USP31: variants seen among roughly 807,000 people sequenced by gnomAD.
The protein encoded by USP31 is ubiquitin specific peptidase 31.
USP31 carries 44 observed loss-of-function variants against 119.4 expected under a neutral mutation model. The observed-to-expected ratio is 0.37, with a 90% CI of 0.29 to 0.47. The LOEUF (loss-of-function observed/expected upper bound fraction) is 0.47, where lower values mean the gene tolerates loss of function less well. Among genes scored for constraint, USP31 ranks in the 20% least tolerant of loss-of-function variants. The pLI is 0.99. For missense variants in USP31, 1,643 were observed against 1,730.2 expected (o/e 0.95, Z 0.89); for synonymous variants, 749 against 705.6 (o/e 1.06, Z -0.97).
At chr16:23,147,062 G>T (rs1220401126) in intron 1 of USP31, among the ~76,000 whole-genome samples, 2 of 144,582 alleles carry the variant, frequency 1.4e-5, no homozygotes, top group Admixed American at 6.9e-5. Context: ...ATTAGGATAG[G>T]AAAAAAAAAA....
At chr16:23,109,841 CAA>C (rs60568760) in intron 1 of USP31, among the ~76,000 whole-genome samples, 1,966 of 110,188 alleles carry the variant, frequency 0.018, 24 homozygotes, top group African/African-American at 0.042. Context: ...GACATTCTAC[CAA>C]AAAAAAAAAA....
intron 7 of USP31, among the ~76,000 whole-genome samples, chr16:23,089,937 G>C (rs891839781): frequency 2.0e-5 from 3 of 151,932 alleles, no homozygotes; most frequent in Non-Finnish European, 4.4e-5. Context: ...GTTCAATTTG[G>C]GACAGAAGAC....
At chr16:23,110,759 T>C (rs746403287) in intron 1 of USP31, among the ~76,000 whole-genome samples, 1 of 152,142 alleles carries the variant, frequency 6.6e-6, no homozygotes, top group Non-Finnish European at 1.5e-5. Flanking sequence ...ATTTTGAGAA[T>C]GCATGCCAAA....
At chr16:23,101,394 A>C (rs1421840023) in intron 6 of USP31, among the ~76,000 whole-genome samples, 1 of 152,214 alleles carries the variant, frequency 6.6e-6, no homozygotes, top group Non-Finnish European at 1.5e-5. Flanking sequence ...AGATGCCTGT[A>C]GGATTTCTAA....
intron 7 of USP31, among the ~76,000 whole-genome samples, chr16:23,088,651 G>A (rs1191044285): frequency 6.6e-6 from 1 of 152,156 alleles, no homozygotes; most frequent in African/African-American, 2.4e-5. Flanking sequence ...AGTCTAGGCT[G>A]TCTCCTACTC....
intron 6 of USP31, among the ~76,000 whole-genome samples, chr16:23,098,503 C>T (rs183408798): frequency 5.9e-5 from 9 of 152,118 alleles, no homozygotes; most frequent in Admixed American, 2.6e-4. Context: ...CAAAAAAGCC[C>T]GCATCACCAA....
At chr16:23,090,929 T>A in intron 6 of USP31, 125 bp from the exon 7 acceptor site, 2 of 869,562 alleles carry the variant, frequency 2.3e-6, no homozygotes, top group Non-Finnish European at 3.3e-6. Flanking sequence ...TAAACTGCAA[T>A]CAAAAAAAGA....
intron 7 of USP31, among the ~76,000 whole-genome samples, chr16:23,088,176 T>A (rs1262649789): frequency 2.0e-5 from 3 of 151,406 alleles, no homozygotes; most frequent in Non-Finnish European, 4.4e-5. Context: ...TCATAAGAGG[T>A]TGGGTGCCAG....
rs1899900602 is a variant in USP31, at chr16:23,062,822, T to C, written c.*5224A>G. ...GGCCCTTGTATTTCAAATGGGAGTTTGATATCAGTATCTCTCAATTCTTTT... is the reference window on the plus strand; with the variant it reads ...GGCCCTTGTATTTCAAATGGGAGTTCGATATCAGTATCTCTCAATTCTTTT... On this transcript the variant is annotated 3_prime_UTR_variant, in exon 16 of 16. Coordinates refer to ENST00000219689, the MANE Select transcript of USP31 (RefSeq NM_020718.4). The C allele has an allele frequency of 6.6e-6, 1 of 152,658 alleles. No homozygotes were observed. Among genetic ancestry groups the C allele is most frequent in the Admixed American group, 6.5e-5 (1 of 15,286 alleles). 9.5% of individuals were successfully genotyped at this position (152,658 alleles called of 1,614,324 possible). A position where few individuals can be genotyped will look rare whatever the true frequency, so the allele number is the denominator to read the frequency against.
At chr16:23,131,910 G>T (rs1356496948) in intron 1 of USP31, among the ~76,000 whole-genome samples, 1 of 152,156 alleles carries the variant, frequency 6.6e-6, no homozygotes, top group Non-Finnish European at 1.5e-5. Context: ...CAAAGAAGGG[G>T]TCCTTCCAGT....
intron 1 of USP31, among the ~76,000 whole-genome samples, chr16:23,143,586 G>C (rs1016584726): frequency 1.2e-5 from 1 of 84,718 alleles, no homozygotes; most frequent in Non-Finnish European, 3.0e-5. Flanking sequence ...GGGAGAGGTT[G>C]GGGGGGGGGA....
At chr16:23,134,087 TCTCA>T (rs1280817101) in intron 1 of USP31, among the ~76,000 whole-genome samples, 26 of 112,464 alleles carry the variant, frequency 2.3e-4, no homozygotes, top group African/African-American at 5.3e-4. Flanking sequence ...TCTCTCTCTC[TCTCA>T]CACACACACA....
Position 23,067,898 on chromosome 16 carries a change from C to T in USP31, c.*148G>A. Reference sequence around the variant, plus strand: ...GAACAATTTGCAATTGAATTAGACACACACACGCATACACTCACACACACA... The same window carrying T: ...GAACAATTTGCAATTGAATTAGACATACACACGCATACACTCACACACACA... On this transcript the variant is annotated 3_prime_UTR_variant, in exon 16 of 16. Transcript: ENST00000219689. The T allele has an allele frequency of 9.8e-7, 1 of 1,015,430 alleles. No homozygotes were observed. Among genetic ancestry groups the T allele is most frequent in the East Asian group, 2.6e-5 (1 of 37,918 alleles). The allele number at this position is 1,015,430 out of a possible 1,614,324, so 62.9% of individuals were successfully genotyped here.
rs1413759470 is a variant in USP31, at chr16:23,137,783, T to C, written c.633+10855A>G. Among the ~76,000 whole-genome samples the C allele has an allele frequency of 4.0e-5, 6 of 149,900 alleles. No homozygotes were observed. In the South Asian group the frequency reaches 1.1e-3, roughly 26 times the overall value. The stretch of plus-strand genomic sequence containing the variant: ...TTATTAACACGATTCATGTTCATTA[T>C]AGTAAAACAAACAAACAAAAAAAAG... On this transcript the variant is annotated intron_variant, in intron 1 of 15. Transcript: ENST00000219689.
intron 1 of USP31, among the ~76,000 whole-genome samples, chr16:23,133,607 G>A (rs137858181): frequency 6.6e-6 from 1 of 152,314 alleles, no homozygotes; most frequent in East Asian, 1.9e-4. Flanking sequence ...TGAGGGAACA[G>A]GCAGTTCTTT....
chr16:23,124,518 T>G (rs1902783724), intron 1 of USP31, among the ~76,000 whole-genome samples: 1 of 152,118 alleles, frequency 6.6e-6, no homozygotes, highest in Admixed American at 6.6e-5. Flanking sequence ...TACTCGTCAG[T>G]GAGTCATCCA....
At chr16:23,082,230 T>A (rs756389442) in intron 12 of USP31, among the ~76,000 whole-genome samples, 1 of 152,148 alleles carries the variant, frequency 6.6e-6, no homozygotes, top group African/African-American at 2.4e-5. Context: ...AAGTAAAATA[T>A]CTGCAATCTG....
chr16:23,062,648 C>T lies in USP31; in HGVS notation c.*5398G>A, dbSNP rs759187094. The T allele has an allele frequency of 5.9e-5, 9 of 152,418 alleles. No individual in the cohort carries two copies. Among genetic ancestry groups the T allele is most frequent in the Non-Finnish European group, 1.3e-4 (9 of 68,038 alleles). 9.4% of individuals were successfully genotyped at this position (152,418 alleles called of 1,614,324 possible). A position where few individuals can be genotyped will look rare whatever the true frequency, so the allele number is the denominator to read the frequency against. On this transcript the variant is annotated 3_prime_UTR_variant, in exon 16 of 16. Transcript: ENST00000219689. ...GTGACTTCCCTATTCCCCCACGGGC[C>T]TGGGGAAAAGGTTCTGGGGACAGAT...
chr16:23,133,715 G>A (rs935711545), intron 1 of USP31, among the ~76,000 whole-genome samples: 1 of 152,166 alleles, frequency 6.6e-6, no homozygotes, highest in African/African-American at 2.4e-5. Flanking sequence ...GATTTTATCA[G>A]TGACAGGCAG....
Sources: gnomAD v4.1 joint callset for allele counts (sites outside exome capture counted in the v4.1 genomes callset) on GRCh38, gnomAD v4.1.1 for gene constraint, MANE v1.5 for transcripts, NCBI Gene and HGNC (gene_info 2026-07-23, HGNC 2026-07-21) for gene names.